The following DCAF8L2 variants were observed in gnomAD, a reference collection of about 807,000 sequenced individuals.
DCAF8L2 encodes DDB1 and CUL4 associated factor 8 like 2.
For missense variants in DCAF8L2, 430 were observed against 490.7 expected, an observed-to-expected ratio of 0.88 and a Z score of 1.17; for synonymous variants, 200 against 190.9, an observed-to-expected ratio of 1.05 and a Z score of -0.39.
intron 2 of DCAF8L2, among the ~76,000 whole-genome samples, chrX:27,668,298 A>G (rs1380786556): frequency 8.9e-6 from 1 of 112,243 alleles, no homozygotes; most frequent in Non-Finnish European, 1.9e-5. Context: ...TTTCAAAAAC[A>G]GACTCGAAGA....
At chrX:27,672,094 A>G (rs375314470) in intron 2 of DCAF8L2, among the ~76,000 whole-genome samples, 1 of 112,339 alleles carries the variant, frequency 8.9e-6, no homozygotes, top group Non-Finnish European at 1.9e-5. Context: ...AGAGAGAAGC[A>G]TGCTGAAATA....
chrX:27,687,328 G>A (rs1277737110), intron 3 of DCAF8L2, among the ~76,000 whole-genome samples: 1 of 111,516 alleles, frequency 9.0e-6, no homozygotes, highest in Non-Finnish European at 1.9e-5. Flanking sequence ...TAAGCAATTA[G>A]GGGGGAAAAC....
At chrX:27,656,556 A>G (rs1602704517) in intron 2 of DCAF8L2, among the ~76,000 whole-genome samples, 1 of 111,813 alleles carries the variant, frequency 8.9e-6, no homozygotes, top group Admixed American at 9.6e-5. Context: ...TTTGGGCTTC[A>G]TGGGTGCTGC....
At chrX:27,602,109 T>C (rs1359345138) in intron 1 of DCAF8L2, among the ~76,000 whole-genome samples, 2 of 111,243 alleles carry the variant, frequency 1.8e-5, no homozygotes, top group Non-Finnish European at 3.8e-5. Flanking sequence ...CAGGCTTGAG[T>C]GCAGTAGCGC....
chrX:27,485,971 C>T, the DCAF8L2 span, among the ~76,000 whole-genome samples: 1 of 63,867 alleles, frequency 1.6e-5, no homozygotes, highest in Non-Finnish European at 2.8e-5. Flanking sequence ...TAGCAAAAAT[C>T]TAGACCGTTA....
the DCAF8L2 span, among the ~76,000 whole-genome samples, chrX:27,559,537 A>G: frequency 8.9e-6 from 1 of 111,783 alleles, no homozygotes; most frequent in African/African-American, 3.3e-5. Flanking sequence ...TTCTGCTGCC[A>G]TGTTGAACAA....
intron 3 of DCAF8L2, among the ~76,000 whole-genome samples, chrX:27,713,590 G>A (rs1931600239): frequency 8.9e-6 from 1 of 111,903 alleles, no homozygotes; most frequent in African/African-American, 3.2e-5. Flanking sequence ...AATGTTAGAA[G>A]TAACATTATA....
At chrX:27,526,861 T>C in the DCAF8L2 span, among the ~76,000 whole-genome samples, 1 of 112,604 alleles carries the variant, frequency 8.9e-6, no homozygotes, top group Non-Finnish European at 1.9e-5. Flanking sequence ...ACAGCAAATG[T>C]TGCTGTTTGA....
the DCAF8L2 span, among the ~76,000 whole-genome samples, chrX:27,533,088 AAAAG>A: frequency 1.0e-5 from 1 of 97,546 alleles, no homozygotes. Context: ...AAGAAAGTTA[AAAAG>A]AAAGAAAGGA....
intron 4 of DCAF8L2, among the ~76,000 whole-genome samples, chrX:27,737,370 T>C (rs773272226): frequency 1.1e-4 from 12 of 111,763 alleles, no homozygotes; most frequent in Admixed American, 8.6e-4. Context: ...TCCTCCCTCC[T>C]GTCACAGACC....
chrX:27,498,473 T>G, the DCAF8L2 span, among the ~76,000 whole-genome samples: 1 of 112,666 alleles, frequency 8.9e-6, no homozygotes, highest in Non-Finnish European at 1.9e-5. Flanking sequence ...CAACATGATG[T>G]TTTGCTGTAC....
the DCAF8L2 span, among the ~76,000 whole-genome samples, chrX:27,480,443 T>C: frequency 5.4e-5 from 6 of 111,470 alleles, no homozygotes; most frequent in African/African-American, 1.7e-4. Flanking sequence ...GGCTACTTTA[T>C]GAGCTTGCCT....
chrX:27,503,502 AT>A, the DCAF8L2 span, among the ~76,000 whole-genome samples: 1 of 110,331 alleles, frequency 9.1e-6, no homozygotes, highest in Admixed American at 9.7e-5. Flanking sequence ...GGTTGAGGTT[AT>A]TTTTTTGCCT....
In DCAF8L2 at chrX:27,668,151, TG is replaced by T. The variant is rs201836645; in HGVS notation, c.-219-9681del. 7.9e-3 allele frequency among the ~76,000 whole-genome samples: 877 copies of T among 111,561 alleles called. 9 individuals carry two copies. Among genetic ancestry groups the T allele is most frequent in the African/African-American group, 0.026 (812 of 30,683 alleles). Reference sequence around the variant, plus strand: ...ATGCAAATCACAAGATTGCTGGGCATGGGGAAAAAGTATCTCTACCAGGGAC... The same window carrying T: ...ATGCAAATCACAAGATTGCTGGGCATGGGAAAAAGTATCTCTACCAGGGAC... On this transcript the variant is annotated intron_variant, in intron 2 of 4. Transcript: ENST00000451261.
At chrX:27,678,906 G>T (rs982203985) in intron 3 of DCAF8L2, among the ~76,000 whole-genome samples, 2 of 111,815 alleles carry the variant, frequency 1.8e-5, no homozygotes, top group African/African-American at 6.5e-5. Flanking sequence ...GGCTAAAGAT[G>T]TAAATGAAAG....
intron 2 of DCAF8L2, among the ~76,000 whole-genome samples, chrX:27,660,023 ATTTG>A (rs201389201): frequency 1.8e-5 from 2 of 109,754 alleles, no homozygotes; most frequent in African/African-American, 3.3e-5. Flanking sequence ...TCCCTATGTT[ATTTG>A]TTTGTTTGTT....
the DCAF8L2 span, among the ~76,000 whole-genome samples, chrX:27,554,576 ATATGG>A: frequency 8.9e-6 from 1 of 112,039 alleles, no homozygotes; most frequent in African/African-American, 3.2e-5. Context: ...GTGTAAAAAG[ATATGG>A]TATGGATTCT....
the DCAF8L2 span, among the ~76,000 whole-genome samples, chrX:27,572,398 A>AT: frequency 8.9e-6 from 1 of 111,845 alleles, no homozygotes; most frequent in African/African-American, 3.3e-5. Context: ...AGTTTCTGCT[A>AT]TTTTTGTTTT....
At chrX:27,694,555 G>T (rs1930827646) in intron 3 of DCAF8L2, among the ~76,000 whole-genome samples, 3 of 110,415 alleles carry the variant, frequency 2.7e-5, no homozygotes, top group Non-Finnish European at 5.7e-5. Context: ...TGTGAAAGAT[G>T]ATGTTACTGT....
Sources: gnomAD v4.1 joint callset for allele counts (sites outside exome capture counted in the v4.1 genomes callset) on GRCh38, gnomAD v4.1.1 for gene constraint, MANE v1.5 for transcripts, NCBI Gene and HGNC (gene_info 2026-07-23, HGNC 2026-07-21) for gene names.